The following PTPN12 variants were observed in gnomAD, a reference collection of about 807,000 sequenced individuals.
PTPN12 encodes the protein tyrosine-protein phosphatase non-receptor type 12.
A neutral mutation model predicts 97.6 loss-of-function variants in PTPN12; 29 were observed. The observed-to-expected ratio is 0.30, with a 90% confidence interval of 0.22 to 0.41. The LOEUF is 0.41. PTPN12 is among the 10% of genes least tolerant of loss of function. The pLI, the probability that PTPN12 is intolerant of heterozygous loss-of-function variation, is 1.00. For missense variants in PTPN12, 819 were observed against 926.0 expected (o/e 0.88, Z 1.50); for synonymous variants, 327 against 300.4 (o/e 1.09, Z -0.91).
chr7:77,558,234 G>GA (rs1287342493), intron 1 of PTPN12, among the ~76,000 whole-genome samples: 1 of 148,674 alleles, frequency 6.7e-6, no homozygotes, highest in Admixed American at 6.7e-5. Context: ...AAAAGAAAAA[G>GA]AAAAAAGAAA....
At chr7:77,612,495 A>G (rs542899829) in intron 11 of PTPN12, among the ~76,000 whole-genome samples, 2 of 152,096 alleles carry the variant, frequency 1.3e-5, no homozygotes, top group East Asian at 3.9e-4. Flanking sequence ...CTGGAGTGCA[A>G]TGGTGCAATC....
At chr7:77,635,467 C>CT (rs2151409922) in intron 14 of PTPN12, among the ~76,000 whole-genome samples, 1 of 152,296 alleles carries the variant, frequency 6.6e-6, no homozygotes, top group East Asian at 1.9e-4. Flanking sequence ...CTTCAGTTGT[C>CT]TAAGTCTGTC....
At chr7:77,549,227 C>T (rs1440087460) in intron 1 of PTPN12, among the ~76,000 whole-genome samples, 1 of 152,012 alleles carries the variant, frequency 6.6e-6, no homozygotes, top group Non-Finnish European at 1.5e-5. Flanking sequence ...GGCGGGCAGT[C>T]CAAAGAGTGT....
At chr7:77,591,202 T>G (rs1253098151) in intron 5 of PTPN12, among the ~76,000 whole-genome samples, 1 of 152,236 alleles carries the variant, frequency 6.6e-6, no homozygotes, top group East Asian at 1.9e-4. Flanking sequence ...TATAGTTCAT[T>G]CAGCCTATAG....
chr7:77,637,209 A>G (rs1789625314), intron 16 of PTPN12, among the ~76,000 whole-genome samples, 161 bp downstream of exon 16: 1 of 152,222 alleles, frequency 6.6e-6, no homozygotes, highest in Admixed American at 6.5e-5. Context: ...AATTCTTCCA[A>G]ATTAATTATT....
chr7:77,598,997 A>G (rs11770844), intron 7 of PTPN12, among the ~76,000 whole-genome samples: 36,691 of 151,016 alleles, frequency 0.24, 4,720 homozygotes, highest in Non-Finnish European at 0.28. Flanking sequence ...GTTATTTAAC[A>G]TAATTAATGA....
intron 1 of PTPN12, among the ~76,000 whole-genome samples, chr7:77,543,813 T>C (rs1237301120): frequency 3.9e-5 from 6 of 152,212 alleles, no homozygotes; most frequent in African/African-American, 1.4e-4. Flanking sequence ...TGATTTCAAG[T>C]TTCATCCATG....
At chr7:77,628,260 T>C (rs1463584404) in intron 13 of PTPN12, among the ~76,000 whole-genome samples, 2 of 152,332 alleles carry the variant, frequency 1.3e-5, no homozygotes, top group East Asian at 3.9e-4. Context: ...TACCTACTCA[T>C]CAAAGCTATT....
At chr7:77,634,793 T>C (rs565671962) in intron 14 of PTPN12, among the ~76,000 whole-genome samples, 3 of 151,572 alleles carry the variant, frequency 2.0e-5, no homozygotes, top group Admixed American at 1.3e-4. Context: ...TTAGCCAGGA[T>C]GGTCTCCATC....
chr7:77,622,044 C>T (rs1469930915), intron 12 of PTPN12, among the ~76,000 whole-genome samples: 2 of 152,280 alleles, frequency 1.3e-5, no homozygotes, highest in East Asian at 3.9e-4. Flanking sequence ...CTCACTGCAG[C>T]CTCGACCTCA....
intron 14 of PTPN12, 25 bp from the exon 15 acceptor site, chr7:77,635,757 A>C (rs1024772486): frequency 1.1e-5 from 17 of 1,503,182 alleles, no homozygotes; most frequent in Non-Finnish European, 1.5e-5. Flanking sequence ...AGGTGTTAAT[A>C]ACAATAAGAT....
chr7:77,623,416 A>T (rs530780136), intron 12 of PTPN12, among the ~76,000 whole-genome samples: 4 of 152,358 alleles, frequency 2.6e-5, no homozygotes, highest in African/African-American at 4.8e-5. Context: ...AATCTGTAAA[A>T]TACTGGTCAT....
intron 1 of PTPN12, among the ~76,000 whole-genome samples, chr7:77,548,124 ACTCT>A (rs1429148643): frequency 1.3e-5 from 2 of 152,038 alleles, no homozygotes; most frequent in African/African-American, 4.8e-5. Flanking sequence ...ATAAAGTAGT[ACTCT>A]CTCTGTTTAC....
At chr7:77,593,247 C>T (rs565605644) in intron 6 of PTPN12, among the ~76,000 whole-genome samples, 12 of 142,640 alleles carry the variant, frequency 8.4e-5, no homozygotes, top group East Asian at 4.2e-4. Flanking sequence ...CCAGTCTGGG[C>T]GACAAGGGTG....
At position 77,593,336 on chromosome 7, in the gene PTPN12, A is replaced by AT. The variant is rs368833566; in HGVS notation, c.492+1081dup. Among the ~76,000 whole-genome samples, 42 of 152,264 alleles carry AT rather than the reference A, an allele frequency of 2.8e-4. 2 individuals carry two copies. The East Asian group carries it at 4.8e-3, about 17-fold the overall frequency. ...TCTCCAGAGAAGCAGAACCAATAGA[A>AT]TAAGAGTGTGTGTGCATGCGTCTGT... On this transcript the variant is annotated intron_variant, in intron 6 of 17. Coordinates refer to ENST00000248594, the MANE Select transcript of PTPN12 (RefSeq NM_002835.4).
intron 1 of PTPN12, among the ~76,000 whole-genome samples, chr7:77,547,862 T>C (rs992859026): frequency 6.6e-5 from 10 of 152,212 alleles, no homozygotes; most frequent in Non-Finnish European, 1.2e-4. Context: ...GGGTTTTAGA[T>C]GGGAAGAACA....
intron 2 of PTPN12, among the ~76,000 whole-genome samples, chr7:77,572,603 C>T: frequency 6.6e-6 from 1 of 152,130 alleles, no homozygotes; most frequent in East Asian, 1.9e-4. Flanking sequence ...GCAGAATTAA[C>T]AAGTGGCAAC....
At chr7:77,612,515 C>T (rs958236937) in intron 11 of PTPN12, among the ~76,000 whole-genome samples, 57 of 152,174 alleles carry the variant, frequency 3.7e-4, no homozygotes, top group African/African-American at 1.2e-3. Flanking sequence ...CTTGGCTCAC[C>T]GTAACCTCCG....
chr7:77,637,883 G>T (rs1227894485), intron 16 of PTPN12, among the ~76,000 whole-genome samples: 2 of 136,582 alleles, frequency 1.5e-5, no homozygotes, highest in South Asian at 2.4e-4. Context: ...AAAACAAGTA[G>T]AGTTATTATT....
Sources: allele counts gnomAD v4.1 joint callset (sites outside exome capture counted in the v4.1 genomes callset), GRCh38; gene constraint gnomAD v4.1.1; transcripts MANE v1.5; gene names NCBI Gene and HGNC (gene_info 2026-07-23, HGNC 2026-07-21).